Variants in C21orf58 observed in about 807,000 individuals in gnomAD.
The protein encoded by C21orf58 is uncharacterized protein C21orf58.
In C21orf58, 34 loss-of-function variants were observed where a neutral mutation model predicts 35.8. The observed-to-expected ratio is 0.95, with a 90% CI of 0.72 to 1.26. C21orf58 has a LOEUF of 1.26. Among genes scored for constraint, C21orf58 ranks in the 50% most tolerant of loss-of-function variants. The probability of loss-of-function intolerance (pLI) is 0.00; values close to 1 mark genes in which losing one functional copy is unlikely to be tolerated. For synonymous variants in C21orf58, 191 were observed against 175.8 expected (o/e 1.09, Z -0.68); for missense variants, 440 against 414.3 (o/e 1.06, Z -0.54).
In C21orf58 at chr21:46,315,466, G is replaced by C. The variant is rs1041132238; in HGVS notation, c.444+8C>G. On this transcript the variant is annotated splice_region_variant and intron_variant, in intron 4 of 7. Coordinates refer to ENST00000291691, the MANE Select transcript of C21orf58 (RefSeq NM_058180.5). ...CAGCCAGGTTCGCTCAGAGGGTGCA[G>C]GGCCTACCCGGAGTCTCTGCAGAAG... 7.6e-6 allele frequency: 12 copies of C among 1,574,636 alleles called. No individual in the cohort carries two copies. Among genetic ancestry groups the C allele is most frequent in the Non-Finnish European group, 9.6e-6 (11 of 1,144,338 alleles).
chr21:46,300,889 A>G, downstream of C21orf58: 4 of 965,584 alleles, frequency 4.1e-6, no homozygotes, highest in East Asian at 6.2e-5. Context: ...CAAAAAAAAA[A>G]GTAACAAAAA....
At chr21:46,316,094 A>G (rs2082967505) in intron 3 of C21orf58, among the ~76,000 whole-genome samples, 1 of 152,012 alleles carries the variant, frequency 6.6e-6, no homozygotes, top group Admixed American at 6.6e-5. Context: ...GGGTGCAGTG[A>G]ATTGTGATCA....
At chr21:46,317,123 C>T in intron 3 of C21orf58, 85 bp downstream of exon 3, 3 of 1,212,946 alleles carry the variant, frequency 2.5e-6, no homozygotes, top group Non-Finnish European at 3.5e-6. Context: ...GTTGCTGTCC[C>T]CACCTCCCCC....
At chr21:46,305,190 G>A (rs563070535) in intron 6 of C21orf58, among the ~76,000 whole-genome samples, 21 of 152,228 alleles carry the variant, frequency 1.4e-4, no homozygotes, top group African/African-American at 3.4e-4. Flanking sequence ...GTAGTCCGAC[G>A]GGTGGAGTCT....
chr21:46,302,691 C>T (rs1226364987), intron 6 of C21orf58, 115 bp from the exon 7 acceptor site: 8 of 830,508 alleles, frequency 9.6e-6, no homozygotes, highest in African/African-American at 5.1e-5. Context: ...TGCAGGTCCC[C>T]GGGGCAGGCT....
intron 4 of C21orf58, chr21:46,315,133 TC>T: frequency 9.9e-7 from 1 of 1,014,696 alleles, no homozygotes; most frequent in Non-Finnish European, 1.4e-6. Context: ...TCAAGCCAGT[TC>T]CAGGCCTACT....
intron 3 of C21orf58, among the ~76,000 whole-genome samples, chr21:46,316,081 C>T (rs894104753): frequency 2.6e-5 from 4 of 151,904 alleles, no homozygotes; most frequent in African/African-American, 7.2e-5. Context: ...CCCAGGAGGT[C>T]GGGGGTGCAG....
chr21:46,314,613 G>A (rs1180177910), intron 5 of C21orf58, 103 bp downstream of exon 5: 5 of 959,076 alleles, frequency 5.2e-6, no homozygotes, highest in Middle Eastern at 3.4e-4. Flanking sequence ...TGGGGGTGAC[G>A]AGGCAACCTC....
At position 46,322,979 on chromosome 21, in the gene C21orf58, G is replaced by GA; in HGVS notation, c.-242dup. On this transcript the variant is annotated 5_prime_UTR_variant, in exon 1 of 8. It removes the in-frame stop codon of an upstream open reading frame in the 5' UTR. Coordinates refer to ENST00000291691, the MANE Select transcript of C21orf58 (RefSeq NM_058180.5). ...AAGTGAAGGCGCACGAACAGGCCCG[G>GA]AGGACTACAAAGAAACCCAGAAACC... 1 of 240,504 alleles carries GA rather than the reference G, an allele frequency of 4.2e-6. No individual in the cohort carries two copies. The highest frequency in any genetic ancestry group is 6.6e-6 in the Non-Finnish European group (1 of 150,442). The allele number at this position is 240,504 out of a possible 1,614,324, so 14.9% of individuals were successfully genotyped here.
chr21:46,311,314 A>G, intron 6 of C21orf58, 142 bp downstream of exon 6: 3 of 439,466 alleles, frequency 6.8e-6, no homozygotes, highest in African/African-American at 2.0e-5. Context: ...TATCATTTAT[A>G]TAAGGATTTC....
At chr21:46,321,692 ACT>A (rs1053818104) in intron 1 of C21orf58, among the ~76,000 whole-genome samples, 5 of 152,156 alleles carry the variant, frequency 3.3e-5, no homozygotes, top group African/African-American at 1.2e-4. Context: ...AGGGACACAC[ACT>A]GTCACCTCGA....
Position 46,301,540 on chromosome 21 carries a change from C to G in C21orf58, c.*459G>C, listed in dbSNP as rs2082108516. On this transcript the variant is annotated 3_prime_UTR_variant, in exon 8 of 8. Coordinates refer to ENST00000291691, the MANE Select transcript of C21orf58 (RefSeq NM_058180.5). ...TATTTTCCCCATCAGGATGTTCACA[C>G]TTCCATGTGGCTAAAGCTATTGATC... 1 of 987,704 alleles carries G rather than the reference C, an allele frequency of 1.0e-6. No individual in the cohort carries two copies. 61.2% of individuals were successfully genotyped at this position (987,704 alleles called of 1,614,324 possible). A position where few individuals can be genotyped will look rare whatever the true frequency, so the allele number is the denominator to read the frequency against.
At chr21:46,314,150 G>T (rs1022536967) in intron 5 of C21orf58, among the ~76,000 whole-genome samples, 1 of 39,138 alleles carries the variant, frequency 2.6e-5, no homozygotes, top group Non-Finnish European at 9.4e-5. Flanking sequence ...TTGAGATGGA[G>T]TCTTGTAATC....
At chr21:46,303,773 A>C (rs1348789754) in intron 6 of C21orf58, among the ~76,000 whole-genome samples, 1 of 93,180 alleles carries the variant, frequency 1.1e-5, no homozygotes, top group Non-Finnish European at 2.1e-5. Context: ...TTTTTTGGAG[A>C]CAGAGTCTTG....
intron 5 of C21orf58, among the ~76,000 whole-genome samples, chr21:46,313,350 C>T (rs147083830): frequency 6.6e-6 from 1 of 152,318 alleles, no homozygotes; most frequent in East Asian, 1.9e-4. Flanking sequence ...GGCAGGCCAG[C>T]TCCGGTCTGA....
chr21:46,313,121 C>T (rs1262980110), intron 5 of C21orf58: 15 of 934,948 alleles, frequency 1.6e-5, no homozygotes, highest in Non-Finnish European at 1.8e-5. Context: ...CAAAGCAGGA[C>T]ACACCGTCAG....
In C21orf58 at chr21:46,315,489, A is replaced by C; in HGVS notation, c.429T>G (p.Leu143=). The C allele has an allele frequency of 6.2e-7, 1 of 1,608,834 alleles. No homozygotes were observed. The highest frequency in any genetic ancestry group is 8.5e-7 in the Non-Finnish European group (1 of 1,175,624). The change falls in exon 4 of 8, where the codon CTT becomes CTG. Residue 143 remains leucine (L), a synonymous_variant. Coordinates refer to ENST00000291691, the MANE Select transcript of C21orf58 (RefSeq NM_058180.5). ...LQTALKRRRD[L]LQRLREQHLL... The stretch of plus-strand genomic sequence containing the variant: ...CAGGGCCTACCCGGAGTCTCTGCAG[A>C]AGGTCCCTCCTTCTCTTCAGAGCAG...
intron 4 of C21orf58, chr21:46,315,169 AG>A: frequency 1.4e-6 from 1 of 707,608 alleles, no homozygotes; most frequent in Non-Finnish European, 2.3e-6. Context: ...CCCCTAGAAA[AG>A]CGGCCCCACC....
chr21:46,317,900 G>GC, intron 2 of C21orf58, 112 bp downstream of exon 2: 1 of 1,212,992 alleles, frequency 8.2e-7, no homozygotes, highest in Non-Finnish European at 1.2e-6. Context: ...CCAGCCCCAG[G>GC]CCTAGCCCTT....
Sources: gnomAD v4.1 joint callset for allele counts (sites outside exome capture counted in the v4.1 genomes callset) on GRCh38, gnomAD v4.1.1 for gene constraint, MANE v1.5 for transcripts, NCBI Gene and HGNC (gene_info 2026-07-23, HGNC 2026-07-21) for gene names.